Variants in PCDH7 observed in about 807,000 individuals in gnomAD.
PCDH7 encodes the protein protocadherin-7.
PCDH7 carries 17 observed loss-of-function variants against 58.9 expected under a neutral mutation model. The ratio of observed to expected loss-of-function variants is 0.29; its 90% CI spans 0.20 to 0.43. The LOEUF (loss-of-function observed/expected upper bound fraction) is 0.43, where lower values mean the gene tolerates loss of function less well. Ranked by LOEUF, PCDH7 falls within the 20% of genes least tolerant of loss-of-function variation. The pLI, the probability that PCDH7 is intolerant of heterozygous loss-of-function variation, is 1.00. For synonymous variants in PCDH7, 664 were observed against 616.4 expected, an observed-to-expected ratio of 1.08 and a Z score of -1.14; for missense variants, 1,274 against 1,441.0, an observed-to-expected ratio of 0.88 and a Z score of 1.88.
intron 3 of PCDH7, among the ~76,000 whole-genome samples, chr4:31,053,276 G>A (rs1374622518): frequency 6.6e-6 from 1 of 151,984 alleles, no homozygotes. Flanking sequence ...TTCACCCCTA[G>A]TCATTTAGAC....
chr4:31,015,876 G>A (rs563563577), intron 3 of PCDH7, among the ~76,000 whole-genome samples: 1 of 152,104 alleles, frequency 6.6e-6, no homozygotes, highest in African/African-American at 2.4e-5. Flanking sequence ...CACATAAAAT[G>A]TCAATATCTA....
chr4:30,894,540 C>CACAT (rs1293863393), intron 1 of PCDH7, among the ~76,000 whole-genome samples: 2 of 110,854 alleles, frequency 1.8e-5, no homozygotes, highest in Non-Finnish European at 3.5e-5. Flanking sequence ...CACACACACA[C>CACAT]ACACACACAC....
At chr4:30,974,178 T>G (rs1266563576) in intron 3 of PCDH7, among the ~76,000 whole-genome samples, 1 of 150,852 alleles carries the variant, frequency 6.6e-6, no homozygotes, top group Non-Finnish European at 1.5e-5. Flanking sequence ...CTTTTTCTCT[T>G]TCTTTCTTTC....
At chr4:30,933,250 C>T (rs910158723) in intron 2 of PCDH7, among the ~76,000 whole-genome samples, 3 of 152,064 alleles carry the variant, frequency 2.0e-5, no homozygotes, top group East Asian at 1.9e-4. Context: ...TGGTCTCGAT[C>T]CCCTGACCTC....
chr4:30,949,984 T>C (rs1747185782), intron 2 of PCDH7: 1 of 152,622 alleles, frequency 6.6e-6, no homozygotes, highest in Non-Finnish European at 1.5e-5. Context: ...GAAATTTATA[T>C]AGATTCTTTT....
chr4:30,756,580 T>C (rs1719343348), intron 1 of PCDH7, among the ~76,000 whole-genome samples: 1 of 152,206 alleles, frequency 6.6e-6, no homozygotes, highest in Non-Finnish European at 1.5e-5. Flanking sequence ...CTTTCATGTT[T>C]CTGTGCATGT....
chr4:31,045,450 A>T (rs951243564), intron 3 of PCDH7, among the ~76,000 whole-genome samples: 2 of 152,022 alleles, frequency 1.3e-5, no homozygotes, highest in Admixed American at 6.6e-5. Context: ...TTCTAGACCA[A>T]ATACTAAATT....
chr4:30,757,140 A>C (rs1422586469), intron 1 of PCDH7, among the ~76,000 whole-genome samples: 4 of 152,202 alleles, frequency 2.6e-5, no homozygotes, highest in Non-Finnish European at 1.5e-5. Context: ...CTATTTTCAA[A>C]TGACAGTTGG....
At chr4:30,977,506 T>C (rs1332185327) in intron 3 of PCDH7, among the ~76,000 whole-genome samples, 1 of 152,186 alleles carries the variant, frequency 6.6e-6, no homozygotes. Flanking sequence ...TTCTTCCTTC[T>C]TCCCCTTTTC....
chr4:30,745,613 C>T (rs1249259327), intron 1 of PCDH7, among the ~76,000 whole-genome samples: 1 of 152,016 alleles, frequency 6.6e-6, no homozygotes, highest in Non-Finnish European at 1.5e-5. Context: ...GGAGGCAAAA[C>T]AATCCTGGTC....
chr4:30,972,964 G>A (rs1419595265), intron 3 of PCDH7, among the ~76,000 whole-genome samples: 1 of 152,104 alleles, frequency 6.6e-6, no homozygotes, highest in East Asian at 1.9e-4. Context: ...ACACTTCCTA[G>A]ATGAGGAATA....
chr4:31,122,791 G>A (rs952254088), intron 3 of PCDH7, among the ~76,000 whole-genome samples: 1 of 151,438 alleles, frequency 6.6e-6, no homozygotes, highest in African/African-American at 2.4e-5. Context: ...ATATAAAATA[G>A]CAATTATATA....
intron 1 of PCDH7, among the ~76,000 whole-genome samples, chr4:30,887,989 C>T (rs1487005666): frequency 1.3e-5 from 2 of 151,834 alleles, no homozygotes; most frequent in African/African-American, 4.8e-5. Context: ...AATTCTTCTG[C>T]CTCAGCCTCC....
intron 3 of PCDH7, among the ~76,000 whole-genome samples, chr4:31,067,366 C>T (rs1217756003): frequency 9.5e-6 from 1 of 105,596 alleles, no homozygotes; most frequent in Non-Finnish European, 1.8e-5. Flanking sequence ...GGAATTTCAT[C>T]ACTGAGACAA....
chr4:30,721,889 G>A lies in PCDH7; in HGVS notation c.467G>A (p.Arg156Gln), dbSNP rs778850935. 1.9e-6 allele frequency: 3 copies of A among 1,593,110 alleles called. No homozygotes were observed. The highest frequency in any genetic ancestry group is 1.1e-5 in the South Asian group (1 of 88,196). ...CTCACGCTCACGGTGGAGGAGAATC[G>A]GCCGGTGGGCACACTTTACCTGCTG... is the stretch of plus-strand genomic sequence containing the variant. The change falls in exon 1 of 2, where the codon CGG becomes CAG. Residue 156 changes from arginine to glutamine, a missense_variant. By Grantham distance (43) the Arg-to-Gln change is conservative. Transcript: ENST00000361762. This position sits in a 1 kb window ranked among gnomAD's most constrained non-coding sequence, Gnocchi z 6.7.
At chr4:30,729,295 TTTAC>T (rs1715127007) in intron 1 of PCDH7, among the ~76,000 whole-genome samples, 1 of 152,012 alleles carries the variant, frequency 6.6e-6, no homozygotes, top group African/African-American at 2.4e-5. Flanking sequence ...TCTGTTGAAA[TTTAC>T]TTACTTATTT....
chr4:31,005,029 C>A (rs1203028608), intron 3 of PCDH7, among the ~76,000 whole-genome samples: 3 of 152,150 alleles, frequency 2.0e-5, no homozygotes, highest in African/African-American at 7.2e-5. Context: ...AATAGTACTT[C>A]TGTAAAATTG....
intron 1 of PCDH7, among the ~76,000 whole-genome samples, chr4:30,727,805 T>G (rs1371762368): frequency 6.6e-6 from 1 of 151,922 alleles, no homozygotes; most frequent in Non-Finnish European, 1.5e-5. Flanking sequence ...TTTTTCAATT[T>G]TCTTTTAAAA....
At chr4:30,744,703 G>C (rs1019086231) in intron 1 of PCDH7, among the ~76,000 whole-genome samples, 1 of 152,190 alleles carries the variant, frequency 6.6e-6, no homozygotes, top group African/African-American at 2.4e-5. Context: ...TATCAGTCCT[G>C]CATCAGTCTT....
Sources: gnomAD v4.1 joint callset for allele counts (sites outside exome capture counted in the v4.1 genomes callset) on GRCh38, gnomAD v4.1.1 for gene constraint, Gnocchi (gnomAD v3.1) non-coding constraint, MANE v1.5 for transcripts, NCBI Gene and HGNC (gene_info 2026-07-23, HGNC 2026-07-21) for gene names.